Variants in MAS1L observed in about 807,000 individuals in gnomAD.
MAS1L encodes MAS1 proto-oncogene like, G protein-coupled receptor.
For missense variants in MAS1L, 441 were observed against 460.1 expected (o/e 0.96, Z 0.38); for synonymous variants, 160 against 182.9 (o/e 0.87, Z 1.01).
chr6:29,487,416 G>T lies in MAS1L; in HGVS notation c.487C>A (p.Leu163Ile). 1 of 1,613,478 alleles carries T rather than the reference G, an allele frequency of 6.2e-7. No homozygotes were observed. The highest frequency in any genetic ancestry group is 1.1e-5 in the South Asian group (1 of 91,052). Residue 163 changes from leucine (L) to isoleucine (I), a missense_variant, in exon 1 of 1, where the codon CTC becomes ATC. By Grantham distance (5) the Leu-to-Ile change is conservative. Transcript: ENST00000377127. ...SPFSFEVCLC[L>I]LVAISTERCV... ...CGCTCTGTGCTGATGGCCACCAGGAGACAGAGACACACCTCAAAGGAGAAG... is the reference window on the plus strand; with the variant it reads ...CGCTCTGTGCTGATGGCCACCAGGATACAGAGACACACCTCAAAGGAGAAG...
chr6:29,486,785 C>T lies in MAS1L; in HGVS notation c.1118G>A (p.Arg373Lys). ...HVENLLPREH[R>K]VDVET is the part of the protein sequence containing the mutation. ...GGGAAATTATGTTTCCACATCGACC[C>T]TGTGCTCCCTGGGAAGAAGGTTCTC... Residue 373 changes from arginine to lysine, a missense_variant, in exon 1 of 1, where the codon AGG becomes AAG. Transcript: ENST00000377127. 6.2e-7 allele frequency: 1 copy of T among 1,613,294 alleles called. No individual in the cohort carries two copies. Among genetic ancestry groups the T allele is most frequent in the Non-Finnish European group, 8.5e-7 (1 of 1,179,696 alleles).
Position 29,486,751 on chromosome 6 carries a change from C to T in MAS1L, c.*15G>A, listed in dbSNP as rs867751000. On this transcript the variant is annotated 3_prime_UTR_variant, in exon 1 of 1. Coordinates refer to ENST00000377127, the MANE Select transcript of MAS1L (RefSeq NM_052967.2). ...GGTTACTATGTGTACAATTCCCCAG[C>T]TCAGATGTGGGAAATTATGTTTCCA... 1 of 1,600,618 alleles carries T rather than the reference C, an allele frequency of 6.2e-7. No homozygotes were observed. Among genetic ancestry groups the T allele is most frequent in the East Asian group, 2.2e-5 (1 of 44,848 alleles).
At position 29,487,078 on chromosome 6, in the gene MAS1L, G is replaced by A. The variant is rs1469071712; in HGVS notation, c.825C>T (p.Leu275=). The change falls in exon 1 of 1, where the codon CTC becomes CTT. Residue 275 remains leucine, a synonymous_variant. Coordinates refer to ENST00000377127, the MANE Select transcript of MAS1L (RefSeq NM_052967.2). ...GTGCCACGCTCAGGGGTAGGGCCCA[G>A]AGTAGGAACATGGGGGCCGAGATCT... ...VVQISAPMFL[L]WALPLSVAPL... 4 of 1,576,410 alleles carry A rather than the reference G, an allele frequency of 2.5e-6. No homozygotes were observed. The African/African-American group carries it at 5.9e-5, about 23-fold the overall frequency.
chr6:29,487,246 C>T lies in MAS1L; in HGVS notation c.657G>A (p.Lys219=). ...AAAGCTTTAGAAATATGACACATGCCTTTACATGTTTCCAGTAAGTTAGGA... is the reference window on the plus strand; with the variant it reads ...AAAGCTTTAGAAATATGACACATGCTTTTACATGTTTCCAGTAAGTTAGGA... ...SLFLTYWKHV[K]ACVIFLKLSG... Residue 219 remains lysine (K), a synonymous_variant, in exon 1 of 1, where the codon AAG becomes AAA. Coordinates refer to ENST00000377127, the MANE Select transcript of MAS1L (RefSeq NM_052967.2). 6.2e-7 allele frequency: 1 copy of T among 1,614,140 alleles called. No individual in the cohort carries two copies. The highest frequency in any genetic ancestry group is 1.1e-5 in the South Asian group (1 of 91,084).
At chr6:29,487,331 TTAGATGTG>T in the MAS1L span, 1 of 1,611,860 alleles carries the variant, frequency 6.2e-7, no homozygotes, top group Non-Finnish European at 8.5e-7. Flanking sequence ...GCAGACAACA[TTAGATGTG>T]TATTTTGGGC....
In MAS1L at chr6:29,487,572, A is replaced by G. The variant is rs1174079208; in HGVS notation, c.331T>C (p.Tyr111His). ...CCGATNPYMV[Y>H]ILHLVAADVI... ...TCAGCAGCGACCAGGTGGAGGATGT[A>G]TACCATGTAGGGATTCGTGGCCCCA... The change falls in exon 1 of 1, where the codon TAC becomes CAC. Residue 111 changes from tyrosine to histidine, a missense_variant. Tyr to His is a moderately conservative substitution (Grantham distance 83, BLOSUM62 2). Transcript: ENST00000377127. The G allele has an allele frequency of 1.2e-6, 2 of 1,614,202 alleles. No individual in the cohort carries two copies. The highest frequency in any genetic ancestry group is 1.1e-5 in the South Asian group (1 of 91,076).
rs1288379374 is a variant in MAS1L, at chr6:29,486,736, T to C, written c.*30A>G. On this transcript the variant is annotated 3_prime_UTR_variant, in exon 1 of 1. Transcript: ENST00000377127. Reference sequence around the variant, plus strand: ...ATGCAGAACAGGCTGGGTTACTATGTGTACAATTCCCCAGCTCAGATGTGG... The same window carrying C: ...ATGCAGAACAGGCTGGGTTACTATGCGTACAATTCCCCAGCTCAGATGTGG... 1 of 1,583,330 alleles carries C rather than the reference T, an allele frequency of 6.3e-7. No homozygotes were observed. Among genetic ancestry groups the C allele is most frequent in the East Asian group, 2.2e-5 (1 of 44,746 alleles).
Position 29,487,185 on chromosome 6 carries a change from A to C in MAS1L, c.718T>G (p.Cys240Gly), listed in dbSNP as rs199579080. The C allele has an allele frequency of 8.1e-5, 130 of 1,614,018 alleles. No homozygotes were observed. The highest frequency in any genetic ancestry group is 1.8e-4 in the South Asian group (16 of 91,084). ...ATGAGTAGAGTCAGACTCGACACAC[A>C]CATCACAAGTGAAAGGATAGCATGG... The part of the protein sequence containing the change: ...LFHAILSLVM[C>G]VSSLTLLIRF... The change falls in exon 1 of 1, where the codon TGT (cysteine) becomes GGT (glycine). Residue 240 changes from cysteine (C) to glycine (G), a missense_variant. Physicochemically the swap from Cys to Gly is radical, Grantham distance 159. Transcript: ENST00000377127.
At position 29,486,917 on chromosome 6, in the gene MAS1L, A is replaced by C. The variant is rs767049584; in HGVS notation, c.986T>G (p.Leu329Arg). 6.2e-7 allele frequency: 1 copy of C among 1,614,178 alleles called. No homozygotes were observed. Among genetic ancestry groups the C allele is most frequent in the South Asian group, 1.1e-5 (1 of 91,068 alleles). ...TAACGCCCGTTGGAGAATCACTCTG[A>C]GAGATTCCTTCAGCCTTTTCTTTCT... ...SLRKKRLKES[L>R]RVILQRALAD... is the part of the protein sequence containing the mutation. The change falls in exon 1 of 1, where the codon CTC (leucine) becomes CGC (arginine). Residue 329 changes from leucine to arginine, a missense_variant. Leu to Arg is a moderately radical substitution (Grantham distance 102). Transcript: ENST00000377127.
At position 29,487,144 on chromosome 6, in the gene MAS1L, G is replaced by A. The variant is rs370874813; in HGVS notation, c.759C>T (p.Cys253=). ...SLTLLIRFLC[C]SQQQKATRVY... ...CCCTGGTGGCCTTTTGCTGCTGGGA[G>A]CAGCACAGGAATCTAATGAGTAGAG... Residue 253 remains cysteine, a synonymous_variant, in exon 1 of 1, where the codon TGC becomes TGT. Coordinates refer to ENST00000377127, the MANE Select transcript of MAS1L (RefSeq NM_052967.2). 3.7e-6 allele frequency: 6 copies of A among 1,613,990 alleles called. No individual in the cohort carries two copies. The highest frequency in any genetic ancestry group is 1.3e-5 in the African/African-American group (1 of 74,912).
Position 29,487,706 on chromosome 6 carries a change from A to G in MAS1L, c.197T>C (p.Met66Thr). The G allele has an allele frequency of 4.3e-6, 7 of 1,614,262 alleles. No homozygotes were observed. The highest frequency in any genetic ancestry group is 3.3e-4 in the Middle Eastern group (2 of 6,060). ...GGGCAGGGCCTGCTGTCCCACTGCC[A>G]TGCTCATCTGCATATGTATGGTTTC... Reference protein sequence around the residue: ...TNETIHMQMSMAVGQQALPLN... With the variant: ...TNETIHMQMSTAVGQQALPLN... The change falls in exon 1 of 1, where the codon ATG becomes ACG. Residue 66 changes from methionine (M) to threonine (T), a missense_variant. Physicochemically the swap from Met to Thr is moderately conservative, Grantham distance 81. Transcript: ENST00000377127.
Position 29,487,798 on chromosome 6 carries a change from G to A in MAS1L, c.105C>T (p.Asp35=), listed in dbSNP as rs1401949847. 1 of 1,614,110 alleles carries A rather than the reference G, an allele frequency of 6.2e-7. No individual in the cohort carries two copies. Among genetic ancestry groups the A allele is most frequent in the Non-Finnish European group, 8.5e-7 (1 of 1,180,050 alleles). Residue 35 remains aspartate (D), a synonymous_variant, in exon 1 of 1, where the codon GAC becomes GAT. Coordinates refer to ENST00000377127, the MANE Select transcript of MAS1L (RefSeq NM_052967.2). ...CCAGGTTTGGGTTCTGTGCCTCCTG[G>A]TCACCACTGTGGAGACAAAGGCTAC... ...LSCSLCLHSG[D]QEAQNPNLVS...
In MAS1L at chr6:29,487,245, C is replaced by A. The variant is rs1561899848; in HGVS notation, c.658G>T (p.Ala220Ser). The A allele has an allele frequency of 6.2e-7, 1 of 1,613,988 alleles. No individual in the cohort carries two copies. Among genetic ancestry groups the A allele is most frequent in the African/African-American group, 1.3e-5 (1 of 74,874 alleles). The change falls in exon 1 of 1, where the codon GCA becomes TCA. Residue 220 changes from alanine (A) to serine (S), a missense_variant. By Grantham distance (99) the Ala-to-Ser change is moderately conservative. Coordinates refer to ENST00000377127, the MANE Select transcript of MAS1L (RefSeq NM_052967.2). ...LFLTYWKHVK[A>S]CVIFLKLSGL... ...GAAAGCTTTAGAAATATGACACATG[C>A]CTTTACATGTTTCCAGTAAGTTAGG...
At position 29,486,713 on chromosome 6, in the gene MAS1L, G is replaced by A; in HGVS notation, c.*53C>T. 6.6e-7 allele frequency: 1 copy of A among 1,518,256 alleles called. No individual in the cohort carries two copies. 94.0% of individuals were successfully genotyped at this position (1,518,256 alleles called of 1,614,324 possible). A position where few individuals can be genotyped will look rare whatever the true frequency, so the allele number is the denominator to read the frequency against. ...TGATTTGATGCAGCAGCCTTATGAT[G>A]CAGAACAGGCTGGGTTACTATGTGT... On this transcript the variant is annotated 3_prime_UTR_variant, in exon 1 of 1. Coordinates refer to ENST00000377127, the MANE Select transcript of MAS1L (RefSeq NM_052967.2).
rs763020867 is a variant in MAS1L, at chr6:29,487,154, A to T, written c.749T>A (p.Phe250Tyr). ...CTTTTGCTGCTGGGAGCAGCACAGG[A>T]ATCTAATGAGTAGAGTCAGACTCGA... ...CVSSLTLLIRFLCCSQQQKAT... is the reference protein window; with the variant it reads ...CVSSLTLLIRYLCCSQQQKAT... The change falls in exon 1 of 1, where the codon TTC becomes TAC. Residue 250 changes from phenylalanine to tyrosine, a missense_variant. Transcript: ENST00000377127. The T allele has an allele frequency of 5.6e-6, 9 of 1,614,000 alleles. 1 individual carries two copies. The South Asian group carries it at 9.9e-5, about 18-fold the overall frequency.
Position 29,487,756 on chromosome 6 carries a change from G to T in MAS1L, c.147C>A (p.Gly49=), listed in dbSNP as rs776150381. Residue 49 remains glycine, a synonymous_variant, in exon 1 of 1, where the codon GGC becomes GGA. Transcript: ENST00000377127. The part of the protein sequence containing the change: ...QNPNLVSQLC[G]VFLQNETNET... ...CATTCGTCTCATTTTGAAGAAAGAC[G>T]CCACAGAGCTGAGATACCAGGTTTG... is the stretch of plus-strand genomic sequence containing the variant. 3.1e-6 allele frequency: 5 copies of T among 1,614,132 alleles called. No individual in the cohort carries two copies. The highest frequency in any genetic ancestry group is 1.1e-5 in the South Asian group (1 of 91,094).
Position 29,486,992 on chromosome 6 carries a change from A to G in MAS1L, c.911T>C (p.Ile304Thr), listed in dbSNP as rs144536215. The change falls in exon 1 of 1, where the codon ATT becomes ACT. Residue 304 changes from isoleucine (I) to threonine (T), a missense_variant. Coordinates refer to ENST00000377127, the MANE Select transcript of MAS1L (RefSeq NM_052967.2). Reference protein sequence around the residue: ...TTSYLISLFLIINSSANPIIY... With the variant: ...TTSYLISLFLTINSSANPIIY... ...GATAGGGTTGGCGCTGCTGTTTATA[A>G]TGAGGAACAAGGAAATTAAATAGGA... 120 of 1,614,098 alleles carry G rather than the reference A, an allele frequency of 7.4e-5. 1 individual carries two copies. The African/African-American group carries it at 1.3e-3, about 18-fold the overall frequency.
At chr6:29,487,228 T>TA in the MAS1L span, 2 of 1,614,150 alleles carry the variant, frequency 1.2e-6, no homozygotes, top group Non-Finnish European at 1.7e-6. Context: ...CAGAAAGCTT[T>TA]AGAAATATGA....
At position 29,487,295 on chromosome 6, in the gene MAS1L, C is replaced by T. The variant is rs1281199168; in HGVS notation, c.608G>A (p.Cys203Tyr). The T allele has an allele frequency of 6.2e-7, 1 of 1,613,962 alleles. No individual in the cohort carries two copies. Residue 203 changes from cysteine to tyrosine, a missense_variant, in exon 1 of 1, where the codon TGC (cysteine) becomes TAC (tyrosine). Coordinates refer to ENST00000377127, the MANE Select transcript of MAS1L (RefSeq NM_052967.2). ...GAAAAGTGATTTTACTATGTTGATG[C>T]AAAAAGGCAGGCCCCAGATGAGGGT... ...VCTLIWGLPF[C>Y]INIVKSLFLT...
Sources: gnomAD v4.1 joint callset for allele counts on GRCh38, gnomAD v4.1.1 for gene constraint, MANE v1.5 for transcripts, NCBI Gene and HGNC (gene_info 2026-07-23, HGNC 2026-07-21) for gene names.